The following NFS1 variants were observed in gnomAD, a reference collection of about 807,000 sequenced individuals.
NFS1 encodes the protein NFS1 cysteine desulfurase.
A neutral mutation model predicts 57.3 loss-of-function variants in NFS1; 26 were observed. The ratio of observed to expected loss-of-function variants is 0.45; its 90% CI spans 0.33 to 0.63. The LOEUF (loss-of-function observed/expected upper bound fraction) is 0.63. Ranked by LOEUF, NFS1 falls within the 20% of genes least tolerant of loss-of-function variation. The pLI is 0.02. For synonymous variants in NFS1, 209 were observed against 216.3 expected, an observed-to-expected ratio of 0.97 and a Z score of 0.30; for missense variants, 505 against 605.8, an observed-to-expected ratio of 0.83 and a Z score of 1.75.
chr20:35,685,888 CA>C (rs1407280269), intron 5 of NFS1, among the ~76,000 whole-genome samples: 2 of 146,988 alleles, frequency 1.4e-5, no homozygotes, highest in East Asian at 2.0e-4. Context: ...AAAAGAAACA[CA>C]GGGGTAAAAC....
Position 35,698,606 on chromosome 20 carries a change from A to T in NFS1, c.98-16T>A. 6.3e-7 allele frequency: 1 copy of T among 1,588,312 alleles called. No individual in the cohort carries two copies. Among genetic ancestry groups the T allele is most frequent in the Non-Finnish European group, 8.5e-7 (1 of 1,170,680 alleles). On this transcript the variant is annotated splice_polypyrimidine_tract_variant and intron_variant, in intron 1 of 12. Coordinates refer to ENST00000374092, the MANE Select transcript of NFS1 (RefSeq NM_021100.5). The stretch of plus-strand genomic sequence containing the variant: ...CGGTCTCCAACTGATAAAAAATGGA[A>T]CGGAGTAGCCAAGTAAGACCGAAGG...
chr20:35,672,946 G>T, intron 11 of NFS1, 102 bp from the exon 12 acceptor site: 1 of 699,808 alleles, frequency 1.4e-6, no homozygotes, highest in Middle Eastern at 2.5e-4. Flanking sequence ...AAAAGATATG[G>T]AGAGAAGAAC....
intron 4 of NFS1, among the ~76,000 whole-genome samples, chr20:35,693,357 C>A (rs1339554366): frequency 6.6e-6 from 1 of 152,080 alleles, no homozygotes; most frequent in African/African-American, 2.4e-5. Context: ...CTCGGCCTCC[C>A]AATGTGCTAA....
Position 35,674,499 on chromosome 20 carries a change from A to C in NFS1, c.1054+13T>G, listed in dbSNP as rs1451989333. The C allele has an allele frequency of 6.2e-7, 1 of 1,612,974 alleles. No homozygotes were observed. The highest frequency in any genetic ancestry group is 1.3e-5 in the African/African-American group (1 of 74,920). On this transcript the variant is annotated intron_variant, in intron 9 of 12. Transcript: ENST00000374092. ...CCTCTACCAGAATGAGGATAGAAAG[A>C]GCAAGTCCATACCGGGATAATGGTG...
At chr20:35,679,090 C>A (rs1285756161) in intron 7 of NFS1, among the ~76,000 whole-genome samples, 1 of 152,174 alleles carries the variant, frequency 6.6e-6, no homozygotes, top group East Asian at 1.9e-4. Flanking sequence ...GACACCTGTA[C>A]ACATGTAAGT....
intron 12 of NFS1, among the ~76,000 whole-genome samples, chr20:35,670,139 G>T (rs1336459541): frequency 1.3e-5 from 2 of 152,156 alleles, no homozygotes; most frequent in African/African-American, 4.8e-5. Flanking sequence ...TTCAGCATTT[G>T]TTTCTTGGTT....
intron 11 of NFS1, 127 bp downstream of exon 11, chr20:35,673,474 G>T (rs1370168266): frequency 2.8e-6 from 2 of 717,326 alleles, no homozygotes; most frequent in East Asian, 5.4e-5. Context: ...CTTTCACAAG[G>T]TTATGAGAAG....
At chr20:35,687,624 T>C (rs1315460437) in intron 5 of NFS1, among the ~76,000 whole-genome samples, 3 of 152,200 alleles carry the variant, frequency 2.0e-5, no homozygotes, top group Admixed American at 6.5e-5. Context: ...AGTGGTCCCC[T>C]GGGCCCAGCT....
intron 5 of NFS1, among the ~76,000 whole-genome samples, chr20:35,689,748 A>G (rs1275663258): frequency 2.9e-5 from 4 of 136,690 alleles, no homozygotes; most frequent in African/African-American, 1.1e-4. Flanking sequence ...CCAGCCTGGC[A>G]ATACAGCGAG....
chr20:35,669,712 A>T, intron 12 of NFS1, 27 bp from the exon 13 acceptor site: 1 of 1,607,684 alleles, frequency 6.2e-7, no homozygotes, highest in Non-Finnish European at 8.5e-7. Flanking sequence ...GCATTAAATG[A>T]GTGAGGGCTT....
chr20:35,687,052 G>A (rs142947890), intron 5 of NFS1, among the ~76,000 whole-genome samples: 6,529 of 152,242 alleles, frequency 0.043, 163 homozygotes, highest in African/African-American at 0.072. Flanking sequence ...TAGCGGTAAC[G>A]CCAGCATCTG....
chr20:35,687,733 A>G (rs1439281610), intron 5 of NFS1, among the ~76,000 whole-genome samples: 1 of 152,168 alleles, frequency 6.6e-6, no homozygotes, highest in Non-Finnish European at 1.5e-5. Context: ...TGGACCCTAC[A>G]AAAGGACTAG....
chr20:35,677,884 T>A (rs986174291), intron 7 of NFS1, among the ~76,000 whole-genome samples: 1 of 151,958 alleles, frequency 6.6e-6, no homozygotes, highest in African/African-American at 2.4e-5. Context: ...AGTAACATAG[T>A]GAAACCTCTA....
intron 5 of NFS1, among the ~76,000 whole-genome samples, chr20:35,686,173 T>C (rs2034939924): frequency 6.6e-6 from 1 of 151,508 alleles, no homozygotes; most frequent in Admixed American, 6.6e-5. Flanking sequence ...TCAGATGAAC[T>C]GGTCACCTCG....
At chr20:35,693,566 G>T (rs1601535768) in intron 4 of NFS1, among the ~76,000 whole-genome samples, 2 of 152,242 alleles carry the variant, frequency 1.3e-5, no homozygotes, top group East Asian at 3.9e-4. Context: ...AGTGGCTCAA[G>T]CCAGTAATCC....
chr20:35,692,981 G>A (rs1433640986), intron 4 of NFS1, among the ~76,000 whole-genome samples: 1 of 151,064 alleles, frequency 6.6e-6, no homozygotes, highest in Non-Finnish European at 1.5e-5. Context: ...CAGCCTGGGT[G>A]ACACAGCAAG....
At chr20:35,691,922 C>G (rs1375357956) in intron 4 of NFS1, among the ~76,000 whole-genome samples, 7 of 151,166 alleles carry the variant, frequency 4.6e-5, no homozygotes, top group Non-Finnish European at 1.0e-4. Flanking sequence ...GTGGCTCACA[C>G]CTGTAATTCC....
At chr20:35,677,397 A>G (rs1254159622) in intron 7 of NFS1, among the ~76,000 whole-genome samples, 2 of 151,918 alleles carry the variant, frequency 1.3e-5, no homozygotes, top group Admixed American at 1.3e-4. Flanking sequence ...TTAGCTGGGC[A>G]TGGTGGCATG....
Position 35,696,452 on chromosome 20 carries a change from T to G in NFS1, c.333A>C (p.Ala111=). The change falls in exon 4 of 13, where the codon GCA becomes GCC. Residue 111 remains alanine, a synonymous_variant. Transcript: ENST00000374092. ...CACGAGGATCAGCTCCAATCAGAGA[T>G]GCTACTTGCTGCAAGCCAAGAAACA... The part of the protein sequence containing the change: ...AAMERARQQV[A]SLIGADPREI... The G allele has an allele frequency of 6.2e-7, 1 of 1,613,576 alleles. No individual in the cohort carries two copies. The highest frequency in any genetic ancestry group is 8.5e-7 in the Non-Finnish European group (1 of 1,179,514).
Sources: allele counts gnomAD v4.1 joint callset (sites outside exome capture counted in the v4.1 genomes callset), GRCh38; gene constraint gnomAD v4.1.1; transcripts MANE v1.5; gene names NCBI Gene and HGNC (gene_info 2026-07-23, HGNC 2026-07-21).